The following IL7R variants were observed in gnomAD, a reference collection of about 807,000 sequenced individuals.
IL7R encodes the protein interleukin-7 receptor subunit alpha.
In IL7R, 38 loss-of-function variants were observed where a neutral mutation model predicts 47.0. That is an observed-to-expected ratio of 0.81 (90% confidence interval 0.62 to 1.06). The LOEUF is 1.06. Ranked by LOEUF, IL7R falls within the 50% of genes least tolerant of loss-of-function variation. IL7R has a pLI of 0.00. For missense variants in IL7R, 633 were observed against 534.8 expected (o/e 1.18, Z -1.81); for synonymous variants, 221 against 199.8 (o/e 1.11, Z -0.89).
chr5:35,876,572 A>C lies in IL7R; in HGVS notation c.*86A>C, dbSNP rs202075594. The C allele has an allele frequency of 1.2e-4, 172 of 1,446,054 alleles. No individual in the cohort carries two copies. The highest frequency in any genetic ancestry group is 1.2e-4 in the Non-Finnish European group (130 of 1,047,808). The allele number at this position is 1,446,054 out of a possible 1,614,324, so 89.6% of individuals were successfully genotyped here. A position where few individuals can be genotyped will look rare whatever the true frequency, so the allele number is the denominator to read the frequency against. ...TAGAGTTCCTAGTCTCCCTCACAGC[A>C]CAGAGAAGACAAAATTAGCAAAACC... On this transcript the variant is annotated 3_prime_UTR_variant, in exon 8 of 8. Transcript: ENST00000303115.
chr5:35,873,046 A>G (rs1459230002), intron 4 of IL7R, among the ~76,000 whole-genome samples: 4 of 152,170 alleles, frequency 2.6e-5, no homozygotes, highest in Admixed American at 2.6e-4. Flanking sequence ...TAAAGATAAT[A>G]CACTGTGTGG....
At position 35,879,431 on chromosome 5, in the gene IL7R, G is replaced by T; in HGVS notation, c.*2945G>T. The T allele has an allele frequency of 4.3e-6, 1 of 232,878 alleles. No homozygotes were observed. Among genetic ancestry groups the T allele is most frequent in the East Asian group, 6.0e-5 (1 of 16,534 alleles). The allele number at this position is 232,878 out of a possible 1,614,324, so 14.4% of individuals were successfully genotyped here. Reference sequence around the variant, plus strand: ...AGGTGGCATTTTTGTCAGCTCTGTGGTTTATTGTTGGGACTATTCTTTAAA... The same window carrying T: ...AGGTGGCATTTTTGTCAGCTCTGTGTTTTATTGTTGGGACTATTCTTTAAA... On this transcript the variant is annotated 3_prime_UTR_variant, in exon 8 of 8. Transcript: ENST00000303115.
Position 35,876,590 on chromosome 5 carries a change from G to C in IL7R, c.*104G>C. On this transcript the variant is annotated 3_prime_UTR_variant, in exon 8 of 8. Coordinates refer to ENST00000303115, the MANE Select transcript of IL7R (RefSeq NM_002185.5). ...TCACAGCACAGAGAAGACAAAATTA[G>C]CAAAACCCCACTACACAGTCTGCAA... 2 of 1,245,014 alleles carry C rather than the reference G, an allele frequency of 1.6e-6. No homozygotes were observed. Among genetic ancestry groups the C allele is most frequent in the Non-Finnish European group, 2.3e-6 (2 of 870,366 alleles). 77.1% of individuals were successfully genotyped at this position (1,245,014 alleles called of 1,614,324 possible).
chr5:35,876,708 A>C lies in IL7R; in HGVS notation c.*222A>C. ...CTGCTTCTACCATGTGGATTTGGTC[A>C]CAAGGTTTAAGGTGACCCAATGATT... On this transcript the variant is annotated 3_prime_UTR_variant, in exon 8 of 8. Transcript: ENST00000303115. 1 of 599,408 alleles carries C rather than the reference A, an allele frequency of 1.7e-6. No individual in the cohort carries two copies. The allele number at this position is 599,408 out of a possible 1,614,324, so 37.1% of individuals were successfully genotyped here.
Position 35,871,055 on chromosome 5 carries a change from G to A in IL7R, c.380-1G>A. The A allele has an allele frequency of 6.2e-7, 1 of 1,612,076 alleles. No homozygotes were observed. Among genetic ancestry groups the A allele is most frequent in the Non-Finnish European group, 8.5e-7 (1 of 1,178,352 alleles). On this transcript the variant is annotated splice_acceptor_variant, in intron 3 of 7. Transcript: ENST00000303115. LOFTEE classifies it high-confidence loss of function. ...AGAATTTATTTCTTTTTCTTTTCCAGTTAAACCTGAGGCTCCTTTTGACCT... is the reference window on the plus strand; with the variant it reads ...AGAATTTATTTCTTTTTCTTTTCCAATTAAACCTGAGGCTCCTTTTGACCT...
chr5:35,872,071 C>T (rs1760085599), intron 4 of IL7R, among the ~76,000 whole-genome samples: 1 of 152,146 alleles, frequency 6.6e-6, no homozygotes, highest in African/African-American at 2.4e-5. Context: ...ACCCTTGATC[C>T]TGCCATCTTT....
At position 35,865,249 on chromosome 5, in the gene IL7R, G is replaced by T. The variant is rs143726921; in HGVS notation, c.222-2057G>T. On this transcript the variant is annotated intron_variant, in intron 2 of 7. Coordinates refer to ENST00000303115, the MANE Select transcript of IL7R (RefSeq NM_002185.5). ...CTTGTGATAGTTTGCTGAGAATGAT[G>T]GTTTCCAGCTTCATCCATGTCCCTA... is the stretch of plus-strand genomic sequence containing the variant. Among the ~76,000 whole-genome samples the T allele has an allele frequency of 8.0e-3, 1,212 of 152,170 alleles. 10 individuals are homozygous for T. Among genetic ancestry groups the T allele is most frequent in the African/African-American group, 0.028 (1,165 of 41,512 alleles).
chr5:35,878,173 A>G lies in IL7R; in HGVS notation c.*1687A>G. ...ATCAGACCATCTTATTCTTCAGGTGAATGTTTTACTTTCCAAAGTGCTCTC... is the reference window on the plus strand; with the variant it reads ...ATCAGACCATCTTATTCTTCAGGTGGATGTTTTACTTTCCAAAGTGCTCTC... On this transcript the variant is annotated 3_prime_UTR_variant, in exon 8 of 8. Coordinates refer to ENST00000303115, the MANE Select transcript of IL7R (RefSeq NM_002185.5). 1 of 233,280 alleles carries G rather than the reference A, an allele frequency of 4.3e-6. No individual in the cohort carries two copies. The highest frequency in any genetic ancestry group is 8.5e-6 in the Non-Finnish European group (1 of 118,064). The allele number at this position is 233,280 out of a possible 1,614,324, so 14.5% of individuals were successfully genotyped here. A position where few individuals can be genotyped will look rare whatever the true frequency, so the allele number is the denominator to read the frequency against.
intron 2 of IL7R, among the ~76,000 whole-genome samples, chr5:35,862,099 T>TG (rs1196108890): frequency 6.6e-6 from 1 of 152,150 alleles, no homozygotes; most frequent in African/African-American, 2.4e-5. Context: ...ACTTGAGTAG[T>TG]GTACTGTGTT....
At chr5:35,857,645 T>C (rs976165653) in intron 1 of IL7R, among the ~76,000 whole-genome samples, 1 of 152,164 alleles carries the variant, frequency 6.6e-6, no homozygotes, top group African/African-American at 2.4e-5. Flanking sequence ...TAGAGAAAGA[T>C]CTAAATGAGT....
At chr5:35,864,636 T>C (rs1373357395) in intron 2 of IL7R, among the ~76,000 whole-genome samples, 1 of 152,174 alleles carries the variant, frequency 6.6e-6, no homozygotes, top group African/African-American at 2.4e-5. Flanking sequence ...TTTGGGCTAG[T>C]ATCTGTTAAA....
chr5:35,879,442 G>C lies in IL7R; in HGVS notation c.*2956G>C, dbSNP rs542245287. ...TTGTCAGCTCTGTGGTTTATTGTTG[G>C]GACTATTCTTTAAAATATCCATTGT... On this transcript the variant is annotated 3_prime_UTR_variant, in exon 8 of 8. Transcript: ENST00000303115. 2.1e-5 allele frequency: 5 copies of C among 232,652 alleles called. No individual in the cohort carries two copies. The highest frequency in any genetic ancestry group is 1.1e-4 in the African/African-American group (5 of 45,346). The allele number at this position is 232,652 out of a possible 1,614,324, so 14.4% of individuals were successfully genotyped here. A position where few individuals can be genotyped will look rare whatever the true frequency, so the allele number is the denominator to read the frequency against.
intron 3 of IL7R, among the ~76,000 whole-genome samples, chr5:35,868,721 G>A (rs1031315473): frequency 6.6e-6 from 1 of 152,186 alleles, no homozygotes; most frequent in Admixed American, 6.5e-5. Flanking sequence ...AGAAGGCAGA[G>A]GTTCTCAGTC....
In IL7R at chr5:35,856,897, C is replaced by A; in HGVS notation, c.-81C>A. On this transcript the variant is annotated 5_prime_UTR_variant, in exon 1 of 8. Coordinates refer to ENST00000303115, the MANE Select transcript of IL7R (RefSeq NM_002185.5). Reference sequence around the variant, plus strand: ...TAGATCTAAGCTTCTCTGTCTTCCTCCCTCCCTCCCTTCCTCTTACTCTCA... The same window carrying A: ...TAGATCTAAGCTTCTCTGTCTTCCTACCTCCCTCCCTTCCTCTTACTCTCA... 2 of 824,590 alleles carry A rather than the reference C, an allele frequency of 2.4e-6. No homozygotes were observed. The highest frequency in any genetic ancestry group is 2.4e-5 in the East Asian group (1 of 41,356). 51.1% of individuals were successfully genotyped at this position (824,590 alleles called of 1,614,324 possible). A position where few individuals can be genotyped will look rare whatever the true frequency, so the allele number is the denominator to read the frequency against.
At chr5:35,871,520 T>G (rs554807136) in intron 4 of IL7R, among the ~76,000 whole-genome samples, 1 of 152,246 alleles carries the variant, frequency 6.6e-6, no homozygotes, top group Non-Finnish European at 1.5e-5. Context: ...AAAAGTGTCA[T>G]GTCTAGTGCC....
chr5:35,861,058 T>G, intron 2 of IL7R, 68 bp downstream of exon 2: 1 of 1,472,284 alleles, frequency 6.8e-7, no homozygotes, highest in Non-Finnish European at 9.5e-7. Context: ...CTCTTTTTAA[T>G]AGCCACAAAA....
rs1175064126 is a variant in IL7R at position 35,876,843 on chromosome 5, AT to A, written c.*358del. 2.8e-6 allele frequency: 1 copy of A among 362,158 alleles called. No individual in the cohort carries two copies. Among genetic ancestry groups the A allele is most frequent in the African/African-American group, 2.0e-5 (1 of 49,296 alleles). 22.4% of individuals were successfully genotyped at this position (362,158 alleles called of 1,614,324 possible). A position where few individuals can be genotyped will look rare whatever the true frequency, so the allele number is the denominator to read the frequency against. On this transcript the variant is annotated 3_prime_UTR_variant, in exon 8 of 8. Coordinates refer to ENST00000303115, the MANE Select transcript of IL7R (RefSeq NM_002185.5). ...GGAAAGAAAGAAAGGAAAATAAAAA[AT>A]GATAGTTGCCATTATTAGGATTTAA...
Position 35,867,312 on chromosome 5 carries a change from C to T in IL7R, c.228C>T (p.Ala76=), listed in dbSNP as rs2149899076. 1 of 1,613,492 alleles carries T rather than the reference C, an allele frequency of 6.2e-7. No homozygotes were observed. The highest frequency in any genetic ancestry group is 8.5e-7 in the Non-Finnish European group (1 of 1,179,570). Residue 76 remains alanine, a synonymous_variant, in exon 3 of 8, where the codon GCC becomes GCT. Transcript: ENST00000303115. ...CCCCTTTTTATTCCTACAGTGGGGC[C>T]CTCGTGGAGGTAAAGTGCCTGAATT... ...ITNLEFEICG[A]LVEVKCLNFR... is the part of the protein sequence containing the mutation.
intron 1 of IL7R, among the ~76,000 whole-genome samples, chr5:35,860,075 A>G (rs930351691): frequency 1.3e-5 from 2 of 152,164 alleles, no homozygotes; most frequent in Non-Finnish European, 2.9e-5. Context: ...AGCAAAAAAA[A>G]AAAAAATCTG....
Sources: gnomAD v4.1 joint callset for allele counts (sites outside exome capture counted in the v4.1 genomes callset) on GRCh38, gnomAD v4.1.1 for gene constraint, MANE v1.5 for transcripts, NCBI Gene and HGNC (gene_info 2026-07-23, HGNC 2026-07-21) for gene names.